The following APOOL variants were observed in gnomAD, a reference collection of about 807,000 sequenced individuals.
APOOL encodes apolipoprotein O like, also known as MICOS complex subunit MIC27.
A neutral mutation model predicts 23.1 loss-of-function variants in APOOL; 12 were observed. The ratio of observed to expected loss-of-function variants is 0.52; its 90% CI spans 0.33 to 0.84. The LOEUF (loss-of-function observed/expected upper bound fraction) is 0.84. Ranked by LOEUF, APOOL falls within the 40% of genes least tolerant of loss-of-function variation. APOOL has a pLI of 0.02. For synonymous variants in APOOL, 77 were observed against 69.9 expected (o/e 1.10, Z -0.51); for missense variants, 212 against 199.6 (o/e 1.06, Z -0.37).
rs182235744 is a variant in APOOL at position 85,022,770 on chromosome X, A to G, written c.15+18843A>G. 4.1e-3 allele frequency among the ~76,000 whole-genome samples: 460 copies of G among 111,691 alleles called. 2 individuals carry two copies. The highest frequency in any genetic ancestry group is 6.3e-3 in the Non-Finnish European group (337 of 53,185). Reference sequence around the variant, plus strand: ...ATTAGGCAAGAGAAAGAAATAAAAGATATCTCAATTGAGAAGGAAGAAGTT... The same window carrying G: ...ATTAGGCAAGAGAAAGAAATAAAAGGTATCTCAATTGAGAAGGAAGAAGTT... On this transcript the variant is annotated intron_variant, in intron 1 of 8. Coordinates refer to ENST00000373173, the MANE Select transcript of APOOL (RefSeq NM_198450.6).
At chrX:85,064,488 A>C (rs901978141) in intron 5 of APOOL, among the ~76,000 whole-genome samples, 2 of 109,233 alleles carry the variant, frequency 1.8e-5, no homozygotes, top group African/African-American at 3.3e-5. Flanking sequence ...TCAATGTGAG[A>C]TCTTTCTAGC....
intron 1 of APOOL, among the ~76,000 whole-genome samples, chrX:85,017,623 C>G (rs992100023): frequency 1.8e-5 from 2 of 111,721 alleles, no homozygotes; most frequent in African/African-American, 6.5e-5. Flanking sequence ...CCTAATTCTG[C>G]TGGCTGTCTT....
intron 2 of APOOL, among the ~76,000 whole-genome samples, chrX:85,047,970 A>T (rs917174093): frequency 3.6e-5 from 4 of 111,452 alleles, no homozygotes; most frequent in African/African-American, 1.3e-4. Context: ...AATTTTTGGA[A>T]ATGTAGACTA....
At chrX:85,050,622 A>AT (rs1016003204) in intron 2 of APOOL, among the ~76,000 whole-genome samples, 122 of 105,035 alleles carry the variant, frequency 1.2e-3, no homozygotes, top group African/African-American at 3.3e-3. Context: ...AAAAAAAAAA[A>AT]TTTTTTTTTA....
intron 6 of APOOL, among the ~76,000 whole-genome samples, chrX:85,070,125 T>G (rs886298055): frequency 1.8e-5 from 2 of 111,549 alleles, no homozygotes; most frequent in Non-Finnish European, 3.8e-5. Context: ...ATATTCAACA[T>G]TCTACAAACA....
chrX:85,086,941 C>T (rs777784074), intron 8 of APOOL, among the ~76,000 whole-genome samples: 5 of 110,070 alleles, frequency 4.5e-5, no homozygotes, highest in South Asian at 7.9e-4. Flanking sequence ...CCTCGTGATC[C>T]GCCCGTCTCG....
Position 85,092,733 on chromosome X carries a change from A to G in APOOL, c.*5055A>G, listed in dbSNP as rs1654921369. On this transcript the variant is annotated 3_prime_UTR_variant, in exon 9 of 9. Transcript: ENST00000373173. ...ATAGCTGTAAAAAGAAAAAAGTCTC[A>G]CTGTTCTGAGCTTTAAAGCCCTCTT... 6.6e-6 allele frequency: 3 copies of G among 451,744 alleles called. No individual in the cohort carries two copies. The African/African-American group carries it at 7.3e-5, about 11-fold the overall frequency. 37.2% of individuals were successfully genotyped at this position (451,744 alleles called of 1,213,427 possible). A position where few individuals can be genotyped will look rare whatever the true frequency, so the allele number is the denominator to read the frequency against.
intron 1 of APOOL, among the ~76,000 whole-genome samples, chrX:85,015,224 A>T (rs1176022382): frequency 2.7e-5 from 3 of 110,789 alleles, no homozygotes; most frequent in Non-Finnish European, 5.7e-5. Flanking sequence ...TTTCATTCAT[A>T]TCCTGTATTT....
rs1313764179 is a variant in APOOL at position 85,075,481 on chromosome X, T to G, written c.718+1090T>G. On this transcript the variant is annotated intron_variant, in intron 8 of 8. Transcript: ENST00000373173. The stretch of plus-strand genomic sequence containing the variant: ...TCTAATTTCAGCCTCCTCCTCTCAC[T>G]TAATCTTCATAAAAACTGTCATTGA... Among the ~76,000 whole-genome samples, 3 of 111,182 alleles carry G rather than the reference T, an allele frequency of 2.7e-5. No individual in the cohort carries two copies. The Admixed American group carries it at 2.9e-4, about 11-fold the overall frequency.
chrX:85,056,526 C>T (rs774018286), intron 5 of APOOL, among the ~76,000 whole-genome samples: 2 of 111,157 alleles, frequency 1.8e-5, no homozygotes, highest in Admixed American at 9.6e-5. Context: ...GGTGGATCAC[C>T]TGAGGTCGGG....
intron 4 of APOOL, among the ~76,000 whole-genome samples, 171 bp downstream of exon 4, chrX:85,054,569 A>T (rs1922896692): frequency 9.0e-6 from 1 of 111,434 alleles, no homozygotes; most frequent in Non-Finnish European, 1.9e-5. Context: ...ATTATTGATT[A>T]ATAGCAAAGC....
intron 5 of APOOL, among the ~76,000 whole-genome samples, chrX:85,058,765 C>G (rs1206849724): frequency 9.0e-6 from 1 of 111,657 alleles, no homozygotes; most frequent in Non-Finnish European, 1.9e-5. Context: ...AATAGCCGTT[C>G]TGACTGGTGT....
At chrX:85,012,288 G>A (rs932624259) in intron 1 of APOOL, among the ~76,000 whole-genome samples, 1 of 111,090 alleles carries the variant, frequency 9.0e-6, no homozygotes, top group Non-Finnish European at 1.9e-5. Context: ...TATCATTGGT[G>A]AACAGCAGTG....
Position 85,088,934 on chromosome X carries a change from A to C in APOOL, c.*1256A>C, listed in dbSNP as rs192727686. Reference sequence around the variant, plus strand: ...GTCTTAAATCAACAATAACAAAACAAGACAAAAACCTTTCCTTAACTTGGC... The same window carrying C: ...GTCTTAAATCAACAATAACAAAACACGACAAAAACCTTTCCTTAACTTGGC... On this transcript the variant is annotated 3_prime_UTR_variant, in exon 9 of 9. Coordinates refer to ENST00000373173, the MANE Select transcript of APOOL (RefSeq NM_198450.6). The C allele has an allele frequency of 2.7e-5, 3 of 111,639 alleles. No individual in the cohort carries two copies. In the Admixed American group the frequency reaches 2.9e-4, roughly 11 times the overall value. The allele number at this position is 111,639 out of a possible 1,213,427, so 9.2% of individuals were successfully genotyped here.
chrX:85,047,446 C>G (rs1246991689), intron 2 of APOOL, among the ~76,000 whole-genome samples: 1 of 111,470 alleles, frequency 9.0e-6, no homozygotes, highest in Non-Finnish European at 1.9e-5. Flanking sequence ...CTGACTTTTC[C>G]TCTTCTAGAT....
At chrX:85,076,826 C>G (rs1351470042) in intron 8 of APOOL, among the ~76,000 whole-genome samples, 1 of 107,771 alleles carries the variant, frequency 9.3e-6, no homozygotes, top group African/African-American at 3.4e-5. Context: ...TTTTGGGAAT[C>G]ACAAATTTAG....
intron 1 of APOOL, among the ~76,000 whole-genome samples, chrX:85,034,347 A>C (rs1383101520): frequency 8.9e-6 from 1 of 112,017 alleles, no homozygotes; most frequent in Admixed American, 9.5e-5. Context: ...AATGTTTTAT[A>C]AATATTATTT....
At chrX:85,025,519 C>T (rs1373947852) in intron 1 of APOOL, among the ~76,000 whole-genome samples, 1 of 112,108 alleles carries the variant, frequency 8.9e-6, no homozygotes, top group African/African-American at 3.2e-5. Context: ...CAAGGCAAGT[C>T]CCTTCCACCT....
rs373265700 is a variant in APOOL, at chrX:85,074,013, G to T, written c.502G>T (p.Val168Leu). The change falls in exon 7 of 9, where the codon GTA (valine) becomes TTA (leucine). Residue 168 changes from valine to leucine, a missense_variant. Val to Leu is a conservative substitution (Grantham distance 32). Transcript: ENST00000373173. ...VIIAKVTAKK[V>L]YATSQQIFGA... is the part of the protein sequence containing the mutation. ...TTTTAATTAGGTAACAGCAAAAAAG[G>T]TATATGCTACAAGCCAGCAAATTTT... 1 of 1,157,474 alleles carries T rather than the reference G, an allele frequency of 8.6e-7. No individual in the cohort carries two copies. The highest frequency in any genetic ancestry group is 1.8e-5 in the African/African-American group (1 of 55,274).
Sources: gnomAD v4.1 joint callset for allele counts (sites outside exome capture counted in the v4.1 genomes callset) on GRCh38, gnomAD v4.1.1 for gene constraint, MANE v1.5 for transcripts, NCBI Gene and HGNC (gene_info 2026-07-23, HGNC 2026-07-21) for gene names.